Variants in FBXL5 observed in about 807,000 individuals in gnomAD.
FBXL5 encodes F-box/LRR-repeat protein 5.
FBXL5 carries 26 observed loss-of-function variants against 78.3 expected under a neutral mutation model. The ratio of observed to expected loss-of-function variants is 0.33; its 90% CI spans 0.24 to 0.46. The LOEUF (loss-of-function observed/expected upper bound fraction) is 0.46. Ranked by LOEUF, FBXL5 falls within the 20% of genes least tolerant of loss-of-function variation. The pLI is 1.00. For synonymous variants in FBXL5, 295 were observed against 282.5 expected, an observed-to-expected ratio of 1.04 and a Z score of -0.45; for missense variants, 710 against 829.2, an observed-to-expected ratio of 0.86 and a Z score of 1.77.
At chr4:15,636,963 A>C (rs1714346547) in intron 4 of FBXL5, among the ~76,000 whole-genome samples, 1 of 152,150 alleles carries the variant, frequency 6.6e-6, no homozygotes, top group Admixed American at 6.5e-5. Context: ...AAAAAACAAT[A>C]CTCACTTTGT....
upstream of FBXL5, chr4:15,656,188 C>G (rs1390525567): frequency 6.6e-6 from 3 of 456,076 alleles, no homozygotes. Flanking sequence ...CAAATCCCGC[C>G]ATTTTAAGCG....
At chr4:15,653,585 G>A (rs1037008433) in intron 1 of FBXL5, among the ~76,000 whole-genome samples, 6 of 152,120 alleles carry the variant, frequency 3.9e-5, no homozygotes, top group Non-Finnish European at 2.9e-5. Flanking sequence ...ACAGTCTAAA[G>A]TGGAGAGAAA....
intron 5 of FBXL5, among the ~76,000 whole-genome samples, chr4:15,633,825 C>A (rs1713943843): frequency 1.3e-5 from 2 of 152,194 alleles, no homozygotes; most frequent in African/African-American, 4.8e-5. Flanking sequence ...ATCTCGAACT[C>A]CTGAGCTCAG....
At chr4:15,634,488 T>A (rs1053154602) in intron 5 of FBXL5, among the ~76,000 whole-genome samples, 1 of 152,114 alleles carries the variant, frequency 6.6e-6, no homozygotes, top group Non-Finnish European at 1.5e-5. Flanking sequence ...TGCCTCAGCC[T>A]CCCGAGTAGC....
intron 1 of FBXL5, among the ~76,000 whole-genome samples, chr4:15,676,834 C>T (rs1718012224): frequency 6.6e-6 from 1 of 152,120 alleles, no homozygotes; most frequent in Non-Finnish European, 1.5e-5. Flanking sequence ...CTGTTAAGTA[C>T]ATGTTACCTA....
chr4:15,644,398 A>T, intron 2 of FBXL5, 95 bp downstream of exon 2: 3 of 994,926 alleles, frequency 3.0e-6, no homozygotes, highest in Non-Finnish European at 4.5e-6. Context: ...TTTCAACATT[A>T]CATCATTTAC....
chr4:15,660,710 C>T (rs1476415035), upstream of FBXL5, among the ~76,000 whole-genome samples: 1 of 152,138 alleles, frequency 6.6e-6, no homozygotes, highest in Non-Finnish European at 1.5e-5. Context: ...AATTAATCTA[C>T]AACATGTGTA....
chr4:15,658,080 C>T (rs1717101579), upstream of FBXL5, among the ~76,000 whole-genome samples: 1 of 152,178 alleles, frequency 6.6e-6, no homozygotes, highest in Non-Finnish European at 1.5e-5. Flanking sequence ...TATCAATAGG[C>T]CTCTTCTATA....
chr4:15,619,261 A>G (rs375048395), intron 9 of FBXL5, among the ~76,000 whole-genome samples: 284 of 152,338 alleles, frequency 1.9e-3, no homozygotes, highest in Non-Finnish European at 2.9e-3. Context: ...CAAGAAAATT[A>G]CAGGCCAATG....
chr4:15,631,003 GT>G (rs747754316), intron 5 of FBXL5, among the ~76,000 whole-genome samples: 18 of 152,072 alleles, frequency 1.2e-4, no homozygotes, highest in Non-Finnish European at 1.9e-4. Flanking sequence ...TGCCATGTTG[GT>G]TTGCTGCACC....
chr4:15,656,226 AACCCAGG>A (rs1716928218), upstream of FBXL5: 1 of 456,156 alleles, frequency 2.2e-6, no homozygotes, highest in Non-Finnish European at 4.4e-6. Flanking sequence ...CAAGGTCACT[AACCCAGG>A]AAAATGTCTG....
At position 15,674,939 on chromosome 4, in the gene FBXL5, G is replaced by A. The variant is rs562398771; in HGVS notation, c.-284+6444C>T. Among the ~76,000 whole-genome samples the A allele has an allele frequency of 6.8e-4, 104 of 152,144 alleles. 1 individual carries two copies. The South Asian group carries it at 0.019, about 28-fold the overall frequency. On this transcript the variant is annotated intron_variant, in intron 1 of 4. Coordinates refer to the FBXL5 transcript ENST00000507899. ...GCTGGGATTACAGGCACGAGCCACC[G>A]CACCCAGTCGGTTATGGTTTTTAAT...
At position 15,612,305 on chromosome 4, in the gene FBXL5, G is replaced by C; in HGVS notation, c.1960C>G (p.Leu654Val). Residue 654 changes from leucine (L) to valine (V), a missense_variant, in exon 10 of 11, where the codon CTG becomes GTG. Leu to Val is a conservative substitution (Grantham distance 32, BLOSUM62 1). This residue lies in a region of FBXL5 where 58 missense variants were observed against 112.3 expected (regional missense o/e 0.52). Transcript: ENST00000341285. The stretch of plus-strand genomic sequence containing the variant: ...CAGTAGTAAAAGTATTCATCATTCA[G>C]AGAAGGACATGCTGAAACCAAATCC... ...LQDLVSACPS[L>V]NDEYFYYCDN... is the part of the protein sequence containing the mutation. 1.2e-6 allele frequency: 2 copies of C among 1,611,812 alleles called. No individual in the cohort carries two copies. Among genetic ancestry groups the C allele is most frequent in the Non-Finnish European group, 1.7e-6 (2 of 1,179,020 alleles).
chr4:15,628,102 CA>C, intron 6 of FBXL5, 69 bp from the exon 7 acceptor site: 1 of 1,433,994 alleles, frequency 7.0e-7, no homozygotes, highest in Non-Finnish European at 9.6e-7. Flanking sequence ...AAGCGCTCAC[CA>C]AATTGTTAAA....
intron 1 of FBXL5, among the ~76,000 whole-genome samples, chr4:15,647,513 A>G (rs539048792): frequency 3.5e-4 from 54 of 152,320 alleles, no homozygotes; most frequent in African/African-American, 1.3e-3. Context: ...ATGCCCTAAC[A>G]TGAGTTAAGA....
chr4:15,649,332 C>G (rs1425936756), intron 1 of FBXL5, among the ~76,000 whole-genome samples: 1 of 152,046 alleles, frequency 6.6e-6, no homozygotes, highest in Non-Finnish European at 1.5e-5. Context: ...GTAATCCCAG[C>G]ACTTTGGGAG....
chr4:15,629,293 T>G (rs1713385013), intron 6 of FBXL5, among the ~76,000 whole-genome samples: 1 of 152,114 alleles, frequency 6.6e-6, no homozygotes, highest in Admixed American at 6.5e-5. Flanking sequence ...GTGAGAACCT[T>G]CAACATTCTT....
At chr4:15,608,909 A>G (rs979912875) in intron 10 of FBXL5, among the ~76,000 whole-genome samples, 10 of 152,206 alleles carry the variant, frequency 6.6e-5, no homozygotes, top group African/African-American at 2.4e-4. Flanking sequence ...TTTTAAACTC[A>G]GTATCACATT....
chr4:15,612,210 T>C, intron 10 of FBXL5, 56 bp downstream of exon 10: 6 of 1,377,768 alleles, frequency 4.4e-6, no homozygotes, highest in Non-Finnish European at 5.7e-6. Context: ...TTAGAACTGC[T>C]AAAAAAAATT....
Sources: gnomAD v4.1 joint callset for allele counts (sites outside exome capture counted in the v4.1 genomes callset) on GRCh38, gnomAD v4.1.1 for gene constraint, gnomAD v4.1.1 regional missense constraint, MANE v1.5 for transcripts, NCBI Gene and HGNC (gene_info 2026-07-23, HGNC 2026-07-21) for gene names.